GPAT3: variants seen among roughly 807,000 people sequenced by gnomAD.
GPAT3 encodes the protein glycerol-3-phosphate acyltransferase 3.
GPAT3 carries 53 observed loss-of-function variants against 58.8 expected under a neutral mutation model. The observed-to-expected ratio is 0.90, with a 90% CI of 0.72 to 1.13. GPAT3 has a LOEUF of 1.13. Among genes scored for constraint, GPAT3 ranks in the 50% most tolerant of loss-of-function variants. GPAT3 has a pLI of 0.00. For synonymous variants in GPAT3, 197 were observed against 187.4 expected, an observed-to-expected ratio of 1.05 and a Z score of -0.42; for missense variants, 511 against 527.6, an observed-to-expected ratio of 0.97 and a Z score of 0.31.
intron 2 of GPAT3, among the ~76,000 whole-genome samples, chr4:83,548,649 G>A (rs1314091138): frequency 2.6e-5 from 4 of 152,118 alleles, no homozygotes; most frequent in African/African-American, 4.8e-5. Flanking sequence ...TGATGCTGGC[G>A]TGACTCAGCA....
intron 2 of GPAT3, among the ~76,000 whole-genome samples, chr4:83,560,663 A>T (rs1725097519): frequency 6.6e-6 from 1 of 152,204 alleles, no homozygotes. Context: ...CTCAAATCGC[A>T]TGTTGAAATA....
chr4:83,572,486 C>T (rs1281773973), intron 2 of GPAT3, among the ~76,000 whole-genome samples: 6 of 151,770 alleles, frequency 4.0e-5, no homozygotes, highest in African/African-American at 1.5e-4. Flanking sequence ...TCTTTTTTTT[C>T]AGGTTTTCCT....
intron 6 of GPAT3, among the ~76,000 whole-genome samples, chr4:83,591,590 A>C (rs1726603004): frequency 6.6e-6 from 1 of 152,208 alleles, no homozygotes. Flanking sequence ...TATAATTTCA[A>C]GATGTTTATG....
At chr4:83,591,942 C>T (rs181443299) in intron 6 of GPAT3, among the ~76,000 whole-genome samples, 4 of 152,262 alleles carry the variant, frequency 2.6e-5, no homozygotes, top group African/African-American at 9.6e-5. Flanking sequence ...TGAGTCATCA[C>T]ATGGTATAAG....
chr4:83,583,694 A>AAAAAAAT (rs1560624652), intron 3 of GPAT3, among the ~76,000 whole-genome samples: 8 of 150,374 alleles, frequency 5.3e-5, no homozygotes, highest in Non-Finnish European at 8.9e-5. Flanking sequence ...AAAAAAAAAA[A>AAAAAAAT]AAATGAAGCT....
intron 2 of GPAT3, among the ~76,000 whole-genome samples, chr4:83,564,718 A>G (rs965455121): frequency 6.6e-6 from 1 of 151,924 alleles, no homozygotes; most frequent in Non-Finnish European, 1.5e-5. Context: ...AAAAAAAAGG[A>G]TTAGCTTTTG....
chr4:83,545,223 T>G (rs1008367520), intron 2 of GPAT3, among the ~76,000 whole-genome samples: 1 of 152,254 alleles, frequency 6.6e-6, no homozygotes, highest in East Asian at 1.9e-4. Context: ...GGCAGATCGC[T>G]TGGGCTCAGG....
intron 3 of GPAT3, among the ~76,000 whole-genome samples, chr4:83,585,058 T>C (rs937689438): frequency 3.9e-5 from 6 of 152,296 alleles, no homozygotes; most frequent in African/African-American, 9.6e-5. Flanking sequence ...GTGATTCTCA[T>C]TGGGGCAAGA....
rs539291146 is a variant in GPAT3, at chr4:83,536,920, T to G, written c.141+157T>G. ...TTCCTTGCCCGCAGCAGTGCGAAAG[T>G]CAGCATCTCGGCTTCTTTCGCGGAG... On this transcript the variant is annotated intron_variant, in intron 1 of 11. Transcript: ENST00000264409. 1.1e-3 allele frequency among the ~76,000 whole-genome samples: 175 copies of G among 152,258 alleles called. 1 individual carries two copies. In the Middle Eastern group the frequency reaches 0.02, roughly 18 times the overall value.
chr4:83,570,901 A>G (rs1225079679), intron 2 of GPAT3, among the ~76,000 whole-genome samples: 1 of 152,170 alleles, frequency 6.6e-6, no homozygotes, highest in African/African-American at 2.4e-5. Flanking sequence ...GGCTCATGTG[A>G]TTACCCCAAT....
chr4:83,561,365 A>C (rs1363576372), intron 2 of GPAT3, among the ~76,000 whole-genome samples: 2 of 152,238 alleles, frequency 1.3e-5, no homozygotes, highest in East Asian at 3.8e-4. Context: ...GCAAGGTGTT[A>C]AGTCCATGTT....
intron 2 of GPAT3, among the ~76,000 whole-genome samples, chr4:83,569,652 G>A (rs1469229235): frequency 2.6e-5 from 4 of 152,226 alleles, no homozygotes; most frequent in Non-Finnish European, 4.4e-5. Flanking sequence ...TCTTAGCAGA[G>A]GGCAGAACGG....
intron 2 of GPAT3, among the ~76,000 whole-genome samples, chr4:83,579,078 CTTCCCTTCCTTCCTT>C (rs1560621428): frequency 4.0e-4 from 10 of 24,960 alleles, no homozygotes; most frequent in Non-Finnish European, 6.1e-4. Flanking sequence ...TTCTTTCTTT[CTTCCCTTCCTTCCTT>C]CCTTCCTTCC....
chr4:83,586,227 T>G (rs775011742), intron 3 of GPAT3, among the ~76,000 whole-genome samples: 1 of 152,208 alleles, frequency 6.6e-6, no homozygotes, highest in Non-Finnish European at 1.5e-5. Flanking sequence ...CAAACGATTT[T>G]ATGCTCCAAA....
At chr4:83,536,950 A>C (rs1724121115) in intron 1 of GPAT3, among the ~76,000 whole-genome samples, 187 bp downstream of exon 1, 1 of 152,174 alleles carries the variant, frequency 6.6e-6, no homozygotes, top group East Asian at 1.9e-4. Flanking sequence ...GCGGAGCTGG[A>C]GGGATCTAGG....
chr4:83,559,833 C>T (rs991488129), intron 2 of GPAT3, among the ~76,000 whole-genome samples: 7 of 152,168 alleles, frequency 4.6e-5, no homozygotes, highest in Non-Finnish European at 1.0e-4. Flanking sequence ...GCTTTGTACA[C>T]AGTAGGCTGG....
chr4:83,588,350 A>C, intron 5 of GPAT3, 51 bp downstream of exon 5: 1 of 1,534,350 alleles, frequency 6.5e-7, no homozygotes, highest in Non-Finnish European at 9.0e-7. Context: ...ATTCAGCATG[A>C]GATTGACAAG....
At chr4:83,554,431 A>C (rs960788519) in intron 2 of GPAT3, among the ~76,000 whole-genome samples, 1 of 152,152 alleles carries the variant, frequency 6.6e-6, no homozygotes, top group Admixed American at 6.5e-5. Flanking sequence ...TTTATCCCCC[A>C]GAGAAAAATC....
At chr4:83,577,332 T>G (rs1725858058) in intron 2 of GPAT3, among the ~76,000 whole-genome samples, 1 of 152,230 alleles carries the variant, frequency 6.6e-6, no homozygotes, top group African/African-American at 2.4e-5. Context: ...GTGAGACAAC[T>G]GTCAGAATTT....
Sources: allele counts gnomAD v4.1 joint callset (sites outside exome capture counted in the v4.1 genomes callset), GRCh38; gene constraint gnomAD v4.1.1; transcripts MANE v1.5; gene names NCBI Gene and HGNC (gene_info 2026-07-23, HGNC 2026-07-21).